SEMA6D: variants seen among roughly 807,000 people sequenced by gnomAD.
SEMA6D encodes semaphorin 6D.
A neutral mutation model predicts 106.6 loss-of-function variants in SEMA6D; 35 were observed. The observed-to-expected ratio is 0.33, with a 90% CI of 0.25 to 0.44. SEMA6D has a LOEUF of 0.44. Ranked by LOEUF, SEMA6D falls within the 20% of genes least tolerant of loss-of-function variation. The pLI, the probability that SEMA6D is intolerant of heterozygous loss-of-function variation, is 1.00. For missense variants in SEMA6D, 1,185 were observed against 1,345.9 expected (o/e 0.88, Z 1.87); for synonymous variants, 499 against 487.7 (o/e 1.02, Z -0.31).
At chr15:47,354,199 C>CTCTA (rs1315953290) in intron 1 of SEMA6D, among the ~76,000 whole-genome samples, 1 of 70,320 alleles carries the variant, frequency 1.4e-5, no homozygotes. Flanking sequence ...CTCTCTCTCT[C>CTCTA]TATATATATA....
At chr15:47,536,349 A>T (rs2045163905) in intron 3 of SEMA6D, among the ~76,000 whole-genome samples, 1 of 152,196 alleles carries the variant, frequency 6.6e-6, no homozygotes, top group Admixed American at 6.5e-5. Flanking sequence ...TCACATAGGG[A>T]TTCCAAATGC....
At chr15:47,410,883 T>C (rs1321154719) in intron 1 of SEMA6D, among the ~76,000 whole-genome samples, 1 of 152,174 alleles carries the variant, frequency 6.6e-6, no homozygotes, top group Non-Finnish European at 1.5e-5. Flanking sequence ...CTTTGGTCTT[T>C]GAAATGGTGA....
chr15:47,728,600 G>A (rs1049086662), intron 1 of SEMA6D, among the ~76,000 whole-genome samples: 2 of 152,186 alleles, frequency 1.3e-5, no homozygotes, highest in African/African-American at 2.4e-5. Flanking sequence ...CTGTTGTAAC[G>A]AATTTCCACA....
At chr15:47,724,911 A>G (rs889145815) in intron 1 of SEMA6D, among the ~76,000 whole-genome samples, 1 of 152,222 alleles carries the variant, frequency 6.6e-6, no homozygotes, top group African/African-American at 2.4e-5. Flanking sequence ...AGTGATACAC[A>G]TGAACGTTGC....
intron 4 of SEMA6D, among the ~76,000 whole-genome samples, chr15:47,675,138 C>T (rs1397216308): frequency 2.6e-5 from 4 of 152,204 alleles, no homozygotes; most frequent in Admixed American, 1.3e-4. Flanking sequence ...ATTATCAACA[C>T]TATTATTTTC....
intron 4 of SEMA6D, among the ~76,000 whole-genome samples, chr15:47,695,326 A>G (rs940986896): frequency 1.3e-5 from 2 of 152,130 alleles, no homozygotes; most frequent in Non-Finnish European, 2.9e-5. Context: ...GAAGCTCTGT[A>G]TTGTTTCCTA....
rs1307260859 is a variant in SEMA6D at position 47,227,998 on chromosome 15, ATTTTATATATATAAGAATCATATATT to A, written c.-239+43600_-239+43625del. On this transcript the variant is annotated intron_variant, in intron 1 of 19. Transcript: ENST00000558014. ...TTTTATATATATAAGATTCTTATAT[ATTTTATATATATAAGAATCATATATT>A]TTTTATATATATAAGAATCTTATAT... 1.2e-3 allele frequency among the ~76,000 whole-genome samples: 135 copies of A among 114,700 alleles called. 2 individuals carry two copies. The highest frequency in any genetic ancestry group is 2.9e-3 in the African/African-American group (101 of 34,856). The allele number at this position is 114,700 out of a possible 152,430, so 75.2% of individuals were successfully genotyped here. A position where few individuals can be genotyped will look rare whatever the true frequency, so the allele number is the denominator to read the frequency against.
intron 3 of SEMA6D, among the ~76,000 whole-genome samples, chr15:47,554,643 A>G (rs990974022): frequency 4.6e-5 from 7 of 152,198 alleles, no homozygotes; most frequent in Non-Finnish European, 5.9e-5. Flanking sequence ...TGGAGCTGTG[A>G]AGCCAAGTCT....
chr15:47,698,736 A>C (rs2078750087), intron 4 of SEMA6D, among the ~76,000 whole-genome samples: 1 of 152,282 alleles, frequency 6.6e-6, no homozygotes, highest in South Asian at 2.1e-4. Flanking sequence ...AATTAATGAT[A>C]ATCCTCTTTT....
intron 1 of SEMA6D, among the ~76,000 whole-genome samples, chr15:47,226,384 A>G (rs987652467): frequency 6.6e-6 from 1 of 152,052 alleles, no homozygotes; most frequent in Non-Finnish European, 1.5e-5. Flanking sequence ...AACTAATGCA[A>G]TTATCTATGC....
At position 47,210,455 on chromosome 15, in the gene SEMA6D, A is replaced by AT. The variant is rs559172377; in HGVS notation, c.-239+26047dup. On this transcript the variant is annotated intron_variant, in intron 1 of 19. Coordinates refer to the SEMA6D transcript ENST00000558014. ...TACGTGCCCAAACCAGAATTGCTCT[A>AT]TTTTTTTTTTAAGACATCTATTTAG... 2.2e-3 allele frequency among the ~76,000 whole-genome samples: 325 copies of AT among 148,678 alleles called. 2 individuals carry two copies. The highest frequency in any genetic ancestry group is 4.7e-3 in the African/African-American group (189 of 40,558).
chr15:47,413,139 T>C (rs1595935402), intron 2 of SEMA6D, among the ~76,000 whole-genome samples: 1 of 152,214 alleles, frequency 6.6e-6, no homozygotes, highest in African/African-American at 2.4e-5. Context: ...TATTTACATA[T>C]ATGTGTGGAC....
At chr15:47,254,875 T>TTTTTTGTGTGTGTGTGTGTGTG (rs1555411185) in intron 1 of SEMA6D, among the ~76,000 whole-genome samples, 1 of 134,308 alleles carries the variant, frequency 7.4e-6, no homozygotes, top group African/African-American at 2.8e-5. Context: ...ACCTGTGGTT[T>TTTTTTGTGTGTGTGTGTGTGTG]TGTGTGTGTG....
intron 1 of SEMA6D, among the ~76,000 whole-genome samples, chr15:47,367,325 A>G (rs1357997225): frequency 6.6e-6 from 1 of 152,152 alleles, no homozygotes; most frequent in Admixed American, 6.5e-5. Flanking sequence ...TACTCTGAAT[A>G]GATTATTAAT....
chr15:47,602,213 GTTC>G (rs1047096501), intron 4 of SEMA6D, among the ~76,000 whole-genome samples: 28 of 152,118 alleles, frequency 1.8e-4, no homozygotes, highest in African/African-American at 6.3e-4. Flanking sequence ...GCAATATAAT[GTTC>G]TTCTTAACCT....
At chr15:47,625,479 G>A (rs1454199361) in intron 4 of SEMA6D, among the ~76,000 whole-genome samples, 1 of 152,124 alleles carries the variant, frequency 6.6e-6, no homozygotes, top group Non-Finnish European at 1.5e-5. Flanking sequence ...GCACATGCCT[G>A]TAATCCCAGC....
chr15:47,277,275 A>G (rs1176188709), intron 1 of SEMA6D, among the ~76,000 whole-genome samples: 1 of 152,150 alleles, frequency 6.6e-6, no homozygotes, highest in Non-Finnish European at 1.5e-5. Flanking sequence ...ATTTCAGAAG[A>G]TTGACTCCAA....
At chr15:47,335,085 G>C (rs1334220233) in intron 1 of SEMA6D, among the ~76,000 whole-genome samples, 1 of 152,022 alleles carries the variant, frequency 6.6e-6, no homozygotes, top group African/African-American at 2.4e-5. Context: ...GTACCTCAAA[G>C]ACCTTTTTTT....
intron 4 of SEMA6D, among the ~76,000 whole-genome samples, chr15:47,673,720 T>C (rs1467096540): frequency 6.6e-6 from 1 of 152,112 alleles, no homozygotes; most frequent in Non-Finnish European, 1.5e-5. Flanking sequence ...AGAATTAGCC[T>C]CAGAATAACT....
Sources: gnomAD v4.1 joint callset for allele counts (sites outside exome capture counted in the v4.1 genomes callset) on GRCh38, gnomAD v4.1.1 for gene constraint, MANE v1.5 for transcripts, NCBI Gene and HGNC (gene_info 2026-07-23, HGNC 2026-07-21) for gene names.